Variants in HDAC4 observed in about 807,000 individuals in gnomAD.
The protein encoded by HDAC4 is histone deacetylase 4.
In HDAC4, 16 loss-of-function variants were observed where a neutral mutation model predicts 135.1. The observed-to-expected ratio is 0.12, with a 90% confidence interval of 0.08 to 0.18. The LOEUF (loss-of-function observed/expected upper bound fraction) is 0.18. Ranked by LOEUF, HDAC4 falls within the 10% of genes least tolerant of loss-of-function variation. HDAC4 has a pLI of 1.00. For synonymous variants in HDAC4, 685 were observed against 653.4 expected, an observed-to-expected ratio of 1.05 and a Z score of -0.74; for missense variants, 1,143 against 1,511.8, an observed-to-expected ratio of 0.76 and a Z score of 4.05.
intron 2 of HDAC4, among the ~76,000 whole-genome samples, chr2:239,281,160 TACAC>T (rs1263310715): frequency 6.1e-5 from 7 of 113,958 alleles, no homozygotes; most frequent in Admixed American, 4.2e-4. Context: ...CACACCACTC[TACAC>T]ACAATGTACA....
intron 3 of HDAC4, among the ~76,000 whole-genome samples, chr2:239,226,387 G>T (rs879495657): frequency 6.6e-6 from 1 of 152,018 alleles, no homozygotes; most frequent in Non-Finnish European, 1.5e-5. Context: ...TATCAACACG[G>T]TTGAGGGGCA....
intron 1 of HDAC4, among the ~76,000 whole-genome samples, chr2:239,378,440 C>T (rs141327156): frequency 1.3e-5 from 2 of 152,260 alleles, no homozygotes; most frequent in Admixed American, 6.5e-5. Flanking sequence ...TCTGACACTG[C>T]GCCAGGGCTG....
At chr2:239,143,963 G>A (rs2041582742) in intron 8 of HDAC4, among the ~76,000 whole-genome samples, 1 of 152,204 alleles carries the variant, frequency 6.6e-6, no homozygotes, top group African/African-American at 2.4e-5. Context: ...GGTGGTGGTT[G>A]GGAATGGGTG....
At chr2:239,106,866 C>T (rs3791402) in intron 15 of HDAC4, among the ~76,000 whole-genome samples, 109,245 of 152,046 alleles carry the variant, frequency 0.72, 41,375 homozygotes, top group South Asian at 0.91. Context: ...CCTGGGCTGT[C>T]GGGTGTCCAG....
At chr2:239,201,699 G>C (rs2153075215) in intron 3 of HDAC4, among the ~76,000 whole-genome samples, 1 of 152,304 alleles carries the variant, frequency 6.6e-6, no homozygotes, top group African/African-American at 2.4e-5. Context: ...GTGACGAGAG[G>C]GGAAGCCCGG....
At position 239,368,442 on chromosome 2, in the gene HDAC4, G is replaced by A. The variant is rs556590581; in HGVS notation, c.-219-15524C>T. 2.2e-4 allele frequency among the ~76,000 whole-genome samples: 34 copies of A among 152,330 alleles called. 1 individual carries two copies. The Middle Eastern group carries it at 0.01, about 46-fold the overall frequency. Reference sequence around the variant, plus strand: ...TTTCACCTTTCTTCACGTGGAGGGGGTCTCATCAAGGCAGCAGAACAGCTT... The same window carrying A: ...TTTCACCTTTCTTCACGTGGAGGGGATCTCATCAAGGCAGCAGAACAGCTT... On this transcript the variant is annotated intron_variant, in intron 1 of 26. Transcript: ENST00000543185.
In HDAC4 at chr2:239,096,301, CT is replaced by C. The variant is rs2037024063; in HGVS notation, c.2234-1246del. Among the ~76,000 whole-genome samples the C allele has an allele frequency of 2.0e-5, 3 of 152,028 alleles. No homozygotes were observed. The South Asian group carries it at 6.2e-4, about 32-fold the overall frequency. Reference sequence around the variant, plus strand: ...CACAGACGAGAAGCTAAACAGAGGCCTGCTTGCCTTAGCCCACGGATGCCCG... The same window carrying C: ...CACAGACGAGAAGCTAAACAGAGGCCGCTTGCCTTAGCCCACGGATGCCCG... On this transcript the variant is annotated intron_variant, in intron 16 of 26. Transcript: ENST00000543185.
intron 24 of HDAC4, among the ~76,000 whole-genome samples, chr2:239,058,349 C>A (rs1422751943): frequency 6.6e-6 from 1 of 152,180 alleles, no homozygotes. Context: ...AAACTGGGGA[C>A]AAACAATGAA....
At chr2:239,161,878 G>C in intron 6 of HDAC4, 1 of 369,766 alleles carries the variant, frequency 2.7e-6, no homozygotes, top group Non-Finnish European at 5.3e-6. Flanking sequence ...AGCGCCCTGA[G>C]GCTGCCCCAG....
At chr2:239,102,244 G>T (rs1012021961) in intron 16 of HDAC4, among the ~76,000 whole-genome samples, 10 of 152,230 alleles carry the variant, frequency 6.6e-5, no homozygotes, top group African/African-American at 2.4e-4. Context: ...CTCTGCTGAA[G>T]ATCCCTGTGG....
At chr2:239,166,536 A>G (rs2043133102) in intron 5 of HDAC4, among the ~76,000 whole-genome samples, 2 of 152,126 alleles carry the variant, frequency 1.3e-5, no homozygotes, top group African/African-American at 4.8e-5. Flanking sequence ...CCGGCGTTAG[A>G]CTCGAACATC....
At chr2:239,208,326 CAA>C (rs759398313) in intron 3 of HDAC4, among the ~76,000 whole-genome samples, 6 of 68,210 alleles carry the variant, frequency 8.8e-5, no homozygotes, top group South Asian at 5.6e-4. Flanking sequence ...GACTCCGTCC[CAA>C]AAAAAAAAAA....
At chr2:239,128,849 T>G (rs1263003072) in intron 11 of HDAC4, among the ~76,000 whole-genome samples, 1 of 152,132 alleles carries the variant, frequency 6.6e-6, no homozygotes, top group African/African-American at 2.4e-5. Context: ...TTCATAGGAT[T>G]CAGCTTCCTG....
chr2:239,061,214 G>T (rs1184612463), intron 24 of HDAC4, among the ~76,000 whole-genome samples: 1 of 152,226 alleles, frequency 6.6e-6, no homozygotes, highest in East Asian at 1.9e-4. Context: ...ATGTGTGCGT[G>T]TGTGGTGTGT....
chr2:239,146,458 A>G lies in HDAC4; in HGVS notation c.734-1744T>C, dbSNP rs1005317898. On this transcript the variant is annotated intron_variant, in intron 7 of 26. Transcript: ENST00000543185. This position sits in a 1 kb window ranked among gnomAD's most constrained non-coding sequence, Gnocchi z 4.5. ...TCTTCCTCAGTGGCTGCCCTGCCAC[A>G]TAGAGTGGGACACGTGGCATCGGGA... is the stretch of plus-strand genomic sequence containing the variant. Among the ~76,000 whole-genome samples, 2 of 152,092 alleles carry G rather than the reference A, an allele frequency of 1.3e-5. No individual in the cohort carries two copies. Among genetic ancestry groups the G allele is most frequent in the African/African-American group, 4.8e-5 (2 of 41,412 alleles).
chr2:239,210,524 A>G (rs987642963), intron 3 of HDAC4, among the ~76,000 whole-genome samples: 1 of 152,192 alleles, frequency 6.6e-6, no homozygotes. Flanking sequence ...TGGCTTTACT[A>G]CAAACGTGTA....
chr2:239,114,946 G>T lies in HDAC4; in HGVS notation c.1791+107C>A. 3 of 1,340,486 alleles carry T rather than the reference G, an allele frequency of 2.2e-6. No homozygotes were observed. The South Asian group carries it at 3.8e-5, about 17-fold the overall frequency. 83.0% of individuals were successfully genotyped at this position (1,340,486 alleles called of 1,614,324 possible). On this transcript the variant is annotated intron_variant, in intron 13 of 26. Transcript: ENST00000543185. ...ACAGGTGAGACACTGGACAGTGACCGCGCAAGGATGCCCTGCAGCCCCCGT... is the reference window on the plus strand; with the variant it reads ...ACAGGTGAGACACTGGACAGTGACCTCGCAAGGATGCCCTGCAGCCCCCGT...
chr2:239,287,444 C>T (rs2051201227), intron 2 of HDAC4, among the ~76,000 whole-genome samples: 1 of 152,202 alleles, frequency 6.6e-6, no homozygotes, highest in Non-Finnish European at 1.5e-5. Context: ...CTCCTTACAT[C>T]ATCTCAAAGG....
chr2:239,100,392 T>C (rs2037503912), intron 16 of HDAC4, among the ~76,000 whole-genome samples: 1 of 152,224 alleles, frequency 6.6e-6, no homozygotes. Flanking sequence ...GGTCAGGTGT[T>C]TAATTTTTGT....
Sources: allele counts gnomAD v4.1 joint callset (sites outside exome capture counted in the v4.1 genomes callset), GRCh38; gene constraint gnomAD v4.1.1; non-coding constraint Gnocchi (gnomAD v3.1); transcripts MANE v1.5; gene names NCBI Gene and HGNC (gene_info 2026-07-23, HGNC 2026-07-21).